The following ANKRD44 variants were observed in gnomAD, a reference collection of about 807,000 sequenced individuals.
The protein encoded by ANKRD44 is serine/threonine-protein phosphatase 6 regulatory ankyrin repeat subunit B.
In ANKRD44, 35 loss-of-function variants were observed where a neutral mutation model predicts 116.0. The ratio of observed to expected loss-of-function variants is 0.30; its 90% CI spans 0.23 to 0.40. ANKRD44 has a LOEUF of 0.40. Among genes scored for constraint, ANKRD44 ranks in the 10% least tolerant of loss-of-function variants. ANKRD44 has a pLI of 1.00. For synonymous variants in ANKRD44, 435 were observed against 461.8 expected (o/e 0.94, Z 0.74); for missense variants, 1,014 against 1,242.6 (o/e 0.82, Z 2.77).
chr2:197,279,792 C>T (rs2083210460), intron 1 of ANKRD44, among the ~76,000 whole-genome samples: 1 of 152,180 alleles, frequency 6.6e-6, no homozygotes, highest in Non-Finnish European at 1.5e-5. Flanking sequence ...TGAGAGCCAT[C>T]AGCTGGCACC....
intron 1 of ANKRD44, among the ~76,000 whole-genome samples, chr2:197,288,930 G>C (rs1012572444): frequency 6.6e-6 from 1 of 152,118 alleles, no homozygotes; most frequent in African/African-American, 2.4e-5. Flanking sequence ...TATGAAGAGA[G>C]GTTGGTTAAT....
At chr2:197,005,976 A>G (rs1236488452) in intron 20 of ANKRD44, 66 bp from the exon 21 acceptor site, 15 of 1,506,642 alleles carry the variant, frequency 1.0e-5, no homozygotes, top group Non-Finnish European at 1.4e-5. Flanking sequence ...GCAGTTGGCT[A>G]AGTGAGGCTG....
rs2078883649 is a variant in ANKRD44 at position 197,122,686 on chromosome 2, A to G, written c.657T>C (p.Ile219=). ...GGTTCAGGAGATGCTTGACAACATT[A>G]ATCTGTCCATTGGAGGCTGCAGCAT... ...PLHAAASNGQ[I]NVVKHLLNLG... Residue 219 remains isoleucine, a synonymous_variant, in exon 7 of 28, where the codon ATT becomes ATC. Transcript: ENST00000282272. The G allele has an allele frequency of 6.2e-7, 1 of 1,614,128 alleles. No individual in the cohort carries two copies. Among genetic ancestry groups the G allele is most frequent in the African/African-American group, 1.3e-5 (1 of 75,036 alleles).
chr2:197,010,744 C>A (rs1039044686), intron 18 of ANKRD44, among the ~76,000 whole-genome samples: 20 of 152,204 alleles, frequency 1.3e-4, no homozygotes, highest in Admixed American at 1.3e-3. Flanking sequence ...AATGAGAAGG[C>A]CACAAAGTAC....
At chr2:197,142,081 C>A (rs2079381283) in intron 3 of ANKRD44, among the ~76,000 whole-genome samples, 1 of 152,190 alleles carries the variant, frequency 6.6e-6, no homozygotes, top group Non-Finnish European at 1.5e-5. Flanking sequence ...TATATTGATT[C>A]TTCAGAAACA....
intron 1 of ANKRD44, among the ~76,000 whole-genome samples, chr2:197,237,214 T>C (rs1289473635): frequency 6.6e-6 from 1 of 152,162 alleles, no homozygotes; most frequent in African/African-American, 2.4e-5. Flanking sequence ...TCAGTACTAG[T>C]TACTATAATT....
chr2:197,310,560 G>C lies in ANKRD44; in HGVS notation c.27+18C>G. On this transcript the variant is annotated intron_variant, in intron 1 of 27. Transcript: ENST00000282272. ...CCCGCGCCCGCGCGTCCCGCCCGCC[G>C]GCGCCGCCGCCCGCTACCTGGTCGG... The C allele has an allele frequency of 8.6e-7, 1 of 1,164,470 alleles. No homozygotes were observed. The highest frequency in any genetic ancestry group is 1.1e-6 in the Non-Finnish European group (1 of 929,428). 72.1% of individuals were successfully genotyped at this position (1,164,470 alleles called of 1,614,324 possible). A position where few individuals can be genotyped will look rare whatever the true frequency, so the allele number is the denominator to read the frequency against.
intron 21 of ANKRD44, among the ~76,000 whole-genome samples, chr2:196,971,321 A>G (rs771812430): frequency 2.0e-5 from 3 of 152,176 alleles, no homozygotes; most frequent in African/African-American, 4.8e-5. Flanking sequence ...TTTTCAAACC[A>G]TACTTGATAT....
intron 1 of ANKRD44, among the ~76,000 whole-genome samples, chr2:197,249,438 G>A (rs1229357813): frequency 1.3e-5 from 2 of 152,216 alleles, no homozygotes; most frequent in African/African-American, 4.8e-5. Flanking sequence ...GTGGGAGAAT[G>A]TGGTGGCCAC....
intron 1 of ANKRD44, among the ~76,000 whole-genome samples, chr2:197,282,419 G>C (rs932868081): frequency 6.6e-6 from 1 of 152,058 alleles, no homozygotes; most frequent in East Asian, 1.9e-4. Flanking sequence ...TCTGAGAGGC[G>C]GTGTGTGTTT....
intron 27 of ANKRD44, among the ~76,000 whole-genome samples, chr2:196,991,831 A>G (rs1387663931): frequency 1.3e-5 from 2 of 151,440 alleles, no homozygotes; most frequent in Middle Eastern, 3.4e-3. Flanking sequence ...GGCTCAAGCG[A>G]TCCTCCCACC....
At chr2:197,091,053 G>A (rs541876751) in intron 10 of ANKRD44, among the ~76,000 whole-genome samples, 19 of 152,348 alleles carry the variant, frequency 1.2e-4, no homozygotes, top group East Asian at 3.9e-4. Flanking sequence ...AGGCTGTCAC[G>A]CTGGCCCTTT....
In ANKRD44 at chr2:197,081,387, C is replaced by G. The variant is rs2077792428; in HGVS notation, c.1538+258G>C. ...GCAGTTAGAATGATATTTAGGACAC[C>G]AGGTCCTAAAAACTGCTGACCAATC... On this transcript the variant is annotated intron_variant, in intron 15 of 27. Transcript: ENST00000282272. Among the ~76,000 whole-genome samples, 6 of 152,136 alleles carry G rather than the reference C, an allele frequency of 3.9e-5. 1 individual carries two copies. Among genetic ancestry groups the G allele is most frequent in the Admixed American group, 3.9e-4 (6 of 15,284 alleles).
intron 1 of ANKRD44, among the ~76,000 whole-genome samples, chr2:197,273,077 T>G (rs2082945294): frequency 6.6e-6 from 1 of 152,214 alleles, no homozygotes; most frequent in African/African-American, 2.4e-5. Context: ...TACAAACTTT[T>G]TTTTCTAATT....
intron 8 of ANKRD44, among the ~76,000 whole-genome samples, chr2:197,113,208 A>T (rs367858841): frequency 6.6e-6 from 1 of 152,210 alleles, no homozygotes; most frequent in Non-Finnish European, 1.5e-5. Flanking sequence ...TGGGAAGGAG[A>T]GCTCCTAAAA....
chr2:197,267,215 G>A (rs867268456), intron 1 of ANKRD44, among the ~76,000 whole-genome samples: 32 of 152,192 alleles, frequency 2.1e-4, no homozygotes, highest in African/African-American at 6.8e-4. Context: ...ATGACTAAGG[G>A]TCGCCATCAT....
intron 11 of ANKRD44, 73 bp downstream of exon 11, chr2:197,089,877 G>T: frequency 2.9e-6 from 4 of 1,363,368 alleles, no homozygotes; most frequent in South Asian, 1.2e-5. Flanking sequence ...CACTCACTCT[G>T]ACCAGACACC....
In ANKRD44 at chr2:196,971,917, C is replaced by A. The variant is rs550564309; in HGVS notation, c.2369-4471G>T. Among the ~76,000 whole-genome samples the A allele has an allele frequency of 3.9e-5, 6 of 152,312 alleles. No individual in the cohort carries two copies. The East Asian group carries it at 9.6e-4, about 24-fold the overall frequency. On this transcript the variant is annotated intron_variant, in intron 21 of 21. Coordinates refer to the ANKRD44 transcript ENST00000424317. ...AAATAGCCTACTCAGAGGTCCTGAG[C>A]CCACTTACAGGCTTGCATGGATCTC...
intron 16 of ANKRD44, chr2:197,078,325 ACG>A (rs1491260909): frequency 1.6e-5 from 4 of 251,118 alleles, no homozygotes; most frequent in South Asian, 3.7e-5. Flanking sequence ...ACACACACAC[ACG>A]CATACACATT....
Sources: gnomAD v4.1 joint callset for allele counts (sites outside exome capture counted in the v4.1 genomes callset) on GRCh38, gnomAD v4.1.1 for gene constraint, MANE v1.5 for transcripts, NCBI Gene and HGNC (gene_info 2026-07-23, HGNC 2026-07-21) for gene names.